The following BEAN1 variants were observed in gnomAD, a reference collection of about 807,000 sequenced individuals.
BEAN1 encodes protein BEAN1.
Under a neutral mutation model 17.7 loss-of-function variants are expected in BEAN1, and 17 were observed. That is an observed-to-expected ratio of 0.96 (90% confidence interval 0.66 to 1.44). The LOEUF (loss-of-function observed/expected upper bound fraction) is 1.44, where lower values mean the gene tolerates loss of function less well. Among genes scored for constraint, BEAN1 ranks in the 40% most tolerant of loss-of-function variants. The pLI is 0.00. For missense variants in BEAN1, 359 were observed against 374.1 expected, an observed-to-expected ratio of 0.96 and a Z score of 0.33; for synonymous variants, 142 against 151.8, an observed-to-expected ratio of 0.94 and a Z score of 0.47.
Position 66,493,012 on chromosome 16 carries a change from C to A in BEAN1, c.198C>A (p.His66Gln), listed in dbSNP as rs961811673. The change falls in exon 5 of 5, where the codon CAC becomes CAA. Residue 66 changes from histidine to glutamine, a missense_variant. His to Gln is a conservative substitution (Grantham distance 24). Coordinates refer to the BEAN1 transcript ENST00000561796. ...GGGTGCGATCTATGCTTTCCAGACACAAACTGGACGCCATCCTGGGCAGGC... is the reference window on the plus strand; with the variant it reads ...GGGTGCGATCTATGCTTTCCAGACAAAAACTGGACGCCATCCTGGGCAGGC... 56 of 703,062 alleles carry A rather than the reference C, an allele frequency of 8.0e-5. 1 individual carries two copies. The highest frequency in any genetic ancestry group is 6.0e-4 in the Admixed American group (30 of 50,020). The allele number at this position is 703,062 out of a possible 1,614,324, so 43.6% of individuals were successfully genotyped here. A position where few individuals can be genotyped will look rare whatever the true frequency, so the allele number is the denominator to read the frequency against.
intron 4 of BEAN1, among the ~76,000 whole-genome samples, chr16:66,490,454 T>TAAAATAAAATAAAATAAAATAA (rs772932259): frequency 2.7e-4 from 12 of 45,156 alleles, no homozygotes; most frequent in East Asian, 7.3e-4. Context: ...TAAAATAAAA[T>TAAAATAAAATAAAATAAAATAA]AATAAAATAA....
chr16:66,470,170 CGATGGATGGATGGATGGATGGATG>C (rs71376799), intron 3 of BEAN1: 1 of 344,694 alleles, frequency 2.9e-6, no homozygotes, highest in East Asian at 5.3e-5. Flanking sequence ...TCTGGTGTCT[CGATGGATGGATGGATGGATGGATG>C]GATGGATGGA....
In BEAN1 at chr16:66,434,912, A is replaced by G. The variant is rs1047550604; in HGVS notation, c.-82-2683A>G. On this transcript the variant is annotated intron_variant, in intron 1 of 4. Transcript: ENST00000536005. The surrounding 1 kb of genome is among the most constrained non-coding windows in gnomAD (Gnocchi z 4.3). ...CCCTGAGCTAGTTTGCAGAGGCCAC[A>G]CTGACCCTCCATGCCCTCGAGGAGC... 4.6e-5 allele frequency among the ~76,000 whole-genome samples: 7 copies of G among 152,062 alleles called. No individual in the cohort carries two copies. The highest frequency in any genetic ancestry group is 1.0e-4 in the Non-Finnish European group (7 of 68,020).
chr16:66,445,055 G>A (rs915191196), intron 2 of BEAN1, among the ~76,000 whole-genome samples: 1 of 152,128 alleles, frequency 6.6e-6, no homozygotes, highest in African/African-American at 2.4e-5. Flanking sequence ...TGGGTGCCAG[G>A]GTTACAGCCT....
chr16:66,450,858 C>G (rs529001774), intron 2 of BEAN1: 1 of 152,328 alleles, frequency 6.6e-6, no homozygotes, highest in East Asian at 1.9e-4. Flanking sequence ...TATGAGTCAT[C>G]ATTAAAAGAC....
chr16:66,444,393 G>A (rs1234678432), intron 2 of BEAN1, among the ~76,000 whole-genome samples: 1 of 152,170 alleles, frequency 6.6e-6, no homozygotes, highest in East Asian at 1.9e-4. Flanking sequence ...GCTTGTAGCG[G>A]GGCTTTGAGG....
intron 2 of BEAN1, among the ~76,000 whole-genome samples, chr16:66,454,723 TTC>T (rs1296035774): frequency 6.8e-6 from 1 of 147,158 alleles, no homozygotes; most frequent in Admixed American, 6.7e-5. Context: ...TTCCTTTTCT[TTC>T]TTTCTTTTTT....
In BEAN1 at chr16:66,452,474, T is replaced by C. The variant is rs148340645; in HGVS notation, c.25+14773T>C. 2.4e-3 allele frequency among the ~76,000 whole-genome samples: 359 copies of C among 152,256 alleles called. 6 individuals carry two copies. Among genetic ancestry groups the C allele is most frequent in the Admixed American group, 3.3e-3 (51 of 15,296 alleles). ...CCTCTGGCTTTGGGCCTGGGCAGCA[T>C]GGTGAACAGTGAAGGAGCCATAATT... On this transcript the variant is annotated intron_variant, in intron 2 of 4. Transcript: ENST00000536005.
At chr16:66,454,252 G>A (rs1389186869) in intron 2 of BEAN1, among the ~76,000 whole-genome samples, 1 of 152,134 alleles carries the variant, frequency 6.6e-6, no homozygotes, top group African/African-American at 2.4e-5. Flanking sequence ...ATGTCACACT[G>A]GTTGATAGCG....
At chr16:66,431,876 G>A (rs145653307) in intron 1 of BEAN1, among the ~76,000 whole-genome samples, 142 of 151,798 alleles carry the variant, frequency 9.4e-4, no homozygotes, top group Admixed American at 3.3e-3. Context: ...ACACGATCTC[G>A]GCTCACTGGA....
At chr16:66,476,027 G>A (rs1425240633) in intron 3 of BEAN1, among the ~76,000 whole-genome samples, 3 of 151,600 alleles carry the variant, frequency 2.0e-5, no homozygotes, top group Non-Finnish European at 2.9e-5. Flanking sequence ...GGAGAATGGC[G>A]TGGACCCCGG....
chr16:66,441,011 G>A lies in BEAN1; in HGVS notation c.25+3310G>A, dbSNP rs140922301. Among the ~76,000 whole-genome samples the A allele has an allele frequency of 4.8e-3, 732 of 152,090 alleles. 2 individuals carry two copies. Among genetic ancestry groups the A allele is most frequent in the African/African-American group, 0.011 (438 of 41,470 alleles). ...ATCATTCTGACCTGGCCCCCATCTC[G>A]GCCCCCACTTCAGATCAATCTAGAA... On this transcript the variant is annotated intron_variant, in intron 2 of 4. Coordinates refer to ENST00000536005, the MANE Select transcript of BEAN1 (RefSeq NM_001178020.3).
intron 2 of BEAN1, among the ~76,000 whole-genome samples, chr16:66,446,785 T>C (rs909451302): frequency 1.3e-5 from 2 of 152,040 alleles, no homozygotes; most frequent in Admixed American, 6.5e-5. Flanking sequence ...GCCAAGTGCA[T>C]TGGGGGAGGG....
At chr16:66,447,642 C>T (rs72788514) in intron 2 of BEAN1, among the ~76,000 whole-genome samples, 2,798 of 152,270 alleles carry the variant, frequency 0.018, 42 homozygotes, top group South Asian at 0.045. Flanking sequence ...TGCCAAGTTC[C>T]AGCAGGGACC....
intron 1 of BEAN1, among the ~76,000 whole-genome samples, chr16:66,431,552 G>T (rs1030405997): frequency 1.3e-5 from 2 of 151,474 alleles, no homozygotes; most frequent in African/African-American, 4.9e-5. Context: ...TGTTCTTTCT[G>T]TCTGTGTTCT....
intron 3 of BEAN1, 145 bp from the exon 4 acceptor site, chr16:66,477,415 T>C: frequency 1.2e-6 from 1 of 824,698 alleles, no homozygotes; most frequent in South Asian, 2.3e-5. Flanking sequence ...CTGTCACTGA[T>C]GGATGAAGGC....
chr16:66,436,608 C>T (rs1344946683), intron 1 of BEAN1, among the ~76,000 whole-genome samples: 1 of 150,660 alleles, frequency 6.6e-6, no homozygotes, highest in Non-Finnish European at 1.5e-5. Flanking sequence ...GAGGGTCTCA[C>T]TCTGTCACCC....
chr16:66,473,519 G>A lies in BEAN1; in HGVS notation c.289+3654G>A, dbSNP rs1390398232. ...GCCAGGGAAGAGGGAAACGCACTGT[G>A]AGCAGCTGTGGGAGAACATGAAAGC... On this transcript the variant is annotated intron_variant, in intron 3 of 4. Coordinates refer to ENST00000536005, the MANE Select transcript of BEAN1 (RefSeq NM_001178020.3). The surrounding 1 kb of genome is among the most constrained non-coding windows in gnomAD (Gnocchi z 4.5). Among the ~76,000 whole-genome samples, 1 of 152,026 alleles carries A rather than the reference G, an allele frequency of 6.6e-6. No homozygotes were observed. The highest frequency in any genetic ancestry group is 6.5e-5 in the Admixed American group (1 of 15,270).
chr16:66,429,147 C>G (rs1445784426), intron 1 of BEAN1, among the ~76,000 whole-genome samples: 1 of 152,196 alleles, frequency 6.6e-6, no homozygotes, highest in Non-Finnish European at 1.5e-5. Context: ...GTGGCTTGGA[C>G]ACACCGATGG....
Sources: gnomAD v4.1 joint callset for allele counts (sites outside exome capture counted in the v4.1 genomes callset) on GRCh38, gnomAD v4.1.1 for gene constraint, Gnocchi (gnomAD v3.1) non-coding constraint, MANE v1.5 for transcripts, NCBI Gene and HGNC (gene_info 2026-07-23, HGNC 2026-07-21) for gene names.